The following BNIP2 variants were observed in gnomAD, a reference collection of about 807,000 sequenced individuals.
BNIP2 encodes the protein BCL2/adenovirus E1B 19 kDa protein-interacting protein 2.
A neutral mutation model predicts 43.4 loss-of-function variants in BNIP2; 36 were observed. The ratio of observed to expected loss-of-function variants is 0.83; its 90% CI spans 0.64 to 1.10. BNIP2 has a LOEUF of 1.10. Among genes scored for constraint, BNIP2 ranks in the 50% least tolerant of loss-of-function variants. The pLI, the probability that BNIP2 is intolerant of heterozygous loss-of-function variation, is 0.00. For missense variants in BNIP2, 417 were observed against 374.1 expected, an observed-to-expected ratio of 1.11 and a Z score of -0.95; for synonymous variants, 146 against 121.0, an observed-to-expected ratio of 1.21 and a Z score of -1.35.
intron 9 of BNIP2, chr15:59,668,045 T>A (rs1001433762): frequency 9.4e-5 from 106 of 1,128,354 alleles, no homozygotes; most frequent in Non-Finnish European, 1.1e-4. Context: ...TAAGGAAGAG[T>A]TAGTCTGCAA....
chr15:59,676,812 G>A, intron 5 of BNIP2: 6 of 1,532,622 alleles, frequency 3.9e-6, no homozygotes, highest in Middle Eastern at 1.7e-4. Context: ...GCCCTGCAGC[G>A]CCGCTACTAC....
At chr15:59,680,645 C>T (rs766411579) in intron 2 of BNIP2, among the ~76,000 whole-genome samples, 4 of 152,206 alleles carry the variant, frequency 2.6e-5, no homozygotes, top group Non-Finnish European at 4.4e-5. Flanking sequence ...AAACGATTCT[C>T]GTGCATTGAC....
chr15:59,681,449 ATTTTT>A (rs34488048), intron 2 of BNIP2, among the ~76,000 whole-genome samples: 1 of 136,740 alleles, frequency 7.3e-6, no homozygotes, highest in South Asian at 2.3e-4. Context: ...GAACCCACAA[ATTTTT>A]TTTTTTTTTT....
rs1387587927 is a variant in BNIP2 at position 59,663,923 on chromosome 15, T to C, written c.*146A>G. ...CAGTACAGCAGTGAACAGTCCCTTG[T>C]ATAATACAAAAGTCCATTATGAAAA... is the stretch of plus-strand genomic sequence containing the variant. On this transcript the variant is annotated 3_prime_UTR_variant, in exon 10 of 10. Coordinates refer to ENST00000607373, the MANE Select transcript of BNIP2 (RefSeq NM_004330.4). 19 of 614,964 alleles carry C rather than the reference T, an allele frequency of 3.1e-5. No homozygotes were observed. Among genetic ancestry groups the C allele is most frequent in the Non-Finnish European group, 4.8e-5 (18 of 371,782 alleles). The allele number at this position is 614,964 out of a possible 1,614,324, so 38.1% of individuals were successfully genotyped here. A position where few individuals can be genotyped will look rare whatever the true frequency, so the allele number is the denominator to read the frequency against.
intron 1 of BNIP2, among the ~76,000 whole-genome samples, chr15:59,688,091 A>G (rs375566811): frequency 6.6e-6 from 1 of 152,344 alleles, no homozygotes; most frequent in East Asian, 1.9e-4. Context: ...TGGATCTGTC[A>G]TACTTCCGGT....
chr15:59,669,383 A>G (rs778802346), intron 7 of BNIP2, 21 bp from the exon 8 acceptor site: 36 of 1,336,266 alleles, frequency 2.7e-5, no homozygotes, highest in Non-Finnish European at 3.6e-5. Flanking sequence ...AAAAAAAAAC[A>G]CACACACACA....
At chr15:59,678,852 AAAG>A (rs1893476212) in intron 4 of BNIP2, 1 of 1,303,074 alleles carries the variant, frequency 7.7e-7, no homozygotes, top group Non-Finnish European at 1.0e-6. Context: ...AGCATTAAAG[AAAG>A]AAGAGACAAA....
chr15:59,670,608 A>C (rs1271581809), intron 7 of BNIP2, among the ~76,000 whole-genome samples: 2 of 152,242 alleles, frequency 1.3e-5, no homozygotes, highest in Non-Finnish European at 2.9e-5. Context: ...AAAGTCTTCA[A>C]TTAAATAAGG....
rs1892396654 is a variant in BNIP2 at position 59,663,716 on chromosome 15, A to G, written c.*353T>C. The G allele has an allele frequency of 6.1e-6, 1 of 164,578 alleles. No individual in the cohort carries two copies. The highest frequency in any genetic ancestry group is 2.4e-5 in the African/African-American group (1 of 41,986). 10.2% of individuals were successfully genotyped at this position (164,578 alleles called of 1,614,324 possible). A position where few individuals can be genotyped will look rare whatever the true frequency, so the allele number is the denominator to read the frequency against. On this transcript the variant is annotated 3_prime_UTR_variant, in exon 10 of 10. Coordinates refer to ENST00000607373, the MANE Select transcript of BNIP2 (RefSeq NM_004330.4). ...ATATTGCTCAATGACATAAAAATAT[A>G]TATTATTTCTTTCCTTTGCCATTTA...
intron 4 of BNIP2, 164 bp from the exon 5 acceptor site, chr15:59,678,251 G>A (rs1023916896): frequency 1.5e-6 from 2 of 1,363,082 alleles, no homozygotes; most frequent in Non-Finnish European, 1.9e-6. Flanking sequence ...TTCTTAACAT[G>A]AGGCTGTTTT....
At chr15:59,677,693 A>C (rs560204172) in intron 5 of BNIP2, 10 of 1,174,892 alleles carry the variant, frequency 8.5e-6, no homozygotes, top group Non-Finnish European at 1.1e-5. Flanking sequence ...TGAGAAAGCT[A>C]TATTTTCCAT....
At chr15:59,687,678 G>C (rs1328160659) in intron 1 of BNIP2, among the ~76,000 whole-genome samples, 1 of 151,932 alleles carries the variant, frequency 6.6e-6, no homozygotes, top group African/African-American at 2.4e-5. Flanking sequence ...TAACTTACTA[G>C]ATCTGGTTAC....
chr15:59,687,176 G>C (rs1411066922), intron 1 of BNIP2, among the ~76,000 whole-genome samples: 1 of 152,170 alleles, frequency 6.6e-6, no homozygotes, highest in Non-Finnish European at 1.5e-5. Flanking sequence ...ACTTGAAAAT[G>C]CTGAGATCTT....
At chr15:59,683,560 T>C (rs1216615883) in intron 1 of BNIP2, among the ~76,000 whole-genome samples, 2 of 152,240 alleles carry the variant, frequency 1.3e-5, no homozygotes, top group Non-Finnish European at 2.9e-5. Flanking sequence ...CTCACGCCTG[T>C]AATCCTAGCA....
intron 1 of BNIP2, among the ~76,000 whole-genome samples, chr15:59,686,668 G>T (rs1281903549): frequency 1.3e-5 from 2 of 152,186 alleles, no homozygotes; most frequent in Admixed American, 1.3e-4. Flanking sequence ...ACATGTGCTT[G>T]TCATTGCTCC....
At position 59,661,096 on chromosome 15, in the gene BNIP2, G is replaced by T. The variant is rs992732720; in HGVS notation, c.*2973C>A. ...TCAAGCCTGTAATCCAAGCATTTGG[G>T]AGGCTGAGACAGGCAGATCATGAGG... On this transcript the variant is annotated 3_prime_UTR_variant, in exon 10 of 10. Transcript: ENST00000607373. 1 of 152,196 alleles carries T rather than the reference G, an allele frequency of 6.6e-6. No individual in the cohort carries two copies. Among genetic ancestry groups the T allele is most frequent in the African/African-American group, 2.4e-5 (1 of 41,436 alleles). The allele number at this position is 152,196 out of a possible 1,614,324, so 9.4% of individuals were successfully genotyped here.
At chr15:59,677,251 G>A in intron 5 of BNIP2, 1 of 1,597,026 alleles carries the variant, frequency 6.3e-7, no homozygotes, top group Non-Finnish European at 8.6e-7. Flanking sequence ...CGGCTGGACT[G>A]CTTGACTGAA....
At position 59,663,406 on chromosome 15, in the gene BNIP2, G is replaced by T. The variant is rs1892379317; in HGVS notation, c.*663C>A. The T allele has an allele frequency of 1.3e-5, 2 of 152,484 alleles. No homozygotes were observed. The highest frequency in any genetic ancestry group is 2.9e-5 in the Non-Finnish European group (2 of 68,028). The allele number at this position is 152,484 out of a possible 1,614,324, so 9.4% of individuals were successfully genotyped here. A position where few individuals can be genotyped will look rare whatever the true frequency, so the allele number is the denominator to read the frequency against. ...TGTCTTTAAGTTTAGAAAGGAAAAA[G>T]TGTGCAATGCGCTTGCATCTGTACT... On this transcript the variant is annotated 3_prime_UTR_variant, in exon 10 of 10. Coordinates refer to ENST00000607373, the MANE Select transcript of BNIP2 (RefSeq NM_004330.4).
chr15:59,678,398 C>G (rs781548671), intron 4 of BNIP2: 8 of 1,084,458 alleles, frequency 7.4e-6, no homozygotes, highest in Non-Finnish European at 7.9e-6. Flanking sequence ...ACTGGCCTTA[C>G]AATGCCTTTC....
Sources: gnomAD v4.1 joint callset for allele counts (sites outside exome capture counted in the v4.1 genomes callset) on GRCh38, gnomAD v4.1.1 for gene constraint, MANE v1.5 for transcripts, NCBI Gene and HGNC (gene_info 2026-07-23, HGNC 2026-07-21) for gene names.